GOT2: variants seen among roughly 807,000 people sequenced by gnomAD.
GOT2 encodes the protein glutamic-oxaloacetic transaminase 2.
In GOT2, 17 loss-of-function variants were observed where a neutral mutation model predicts 50.0. That is an observed-to-expected ratio of 0.34 (90% CI 0.23 to 0.51). The LOEUF (loss-of-function observed/expected upper bound fraction) is 0.51. Among genes scored for constraint, GOT2 ranks in the 20% least tolerant of loss-of-function variants. The pLI is 0.97. For missense variants in GOT2, 430 were observed against 559.6 expected (o/e 0.77, Z 2.34); for synonymous variants, 172 against 204.9 (o/e 0.84, Z 1.37).
intron 7 of GOT2, chr16:58,716,459 A>G (rs2044693544): frequency 1.6e-6 from 1 of 617,172 alleles, no homozygotes; most frequent in Admixed American, 3.4e-5. Context: ...CCTTTGCTGG[A>G]AAAACTTAAG....
At chr16:58,724,977 A>G (rs1479682989) in intron 1 of GOT2, among the ~76,000 whole-genome samples, 1 of 152,146 alleles carries the variant, frequency 6.6e-6, no homozygotes, top group East Asian at 1.9e-4. Flanking sequence ...CAATTTTGGG[A>G]ATGCTGGTCA....
In GOT2 at chr16:58,723,759, G is replaced by A. The variant is rs765537389; in HGVS notation, c.233C>T (p.Pro78Leu). Residue 78 changes from proline (P) to leucine (L), a missense_variant, in exon 2 of 10, where the codon CCT (proline) becomes CTT (leucine). Pro to Leu is a moderately conservative substitution (Grantham distance 98). Coordinates refer to ENST00000245206, the MANE Select transcript of GOT2 (RefSeq NM_002080.4). Reference sequence around the variant, plus strand: ...CAGCAAGCTCACCTTGCGGACGCTAGGCAGAACGTAAGGCTTTCCATTATC... The same window carrying A: ...CAGCAAGCTCACCTTGCGGACGCTAAGCAGAACGTAAGGCTTTCCATTATC... The part of the protein sequence containing the change: ...RDDNGKPYVL[P>L]SVRKAEAQIA... 112 of 1,612,680 alleles carry A rather than the reference G, an allele frequency of 6.9e-5. No individual in the cohort carries two copies. The highest frequency in any genetic ancestry group is 4.1e-4 in the South Asian group (37 of 91,032).
chr16:58,718,502 C>G, intron 5 of GOT2, 25 bp downstream of exon 5: 1 of 1,554,490 alleles, frequency 6.4e-7, no homozygotes, highest in Non-Finnish European at 8.7e-7. Context: ...TTATTCACCT[C>G]TCTCACCCTG....
chr16:58,727,067 T>C (rs1426680537), intron 1 of GOT2, among the ~76,000 whole-genome samples: 1 of 152,046 alleles, frequency 6.6e-6, no homozygotes, highest in African/African-American at 2.4e-5. Flanking sequence ...GGCATGAGAA[T>C]CGCTTGAACC....
chr16:58,708,874 T>C (rs888817344), intron 9 of GOT2, among the ~76,000 whole-genome samples: 1 of 151,708 alleles, frequency 6.6e-6, no homozygotes, highest in African/African-American at 2.4e-5. Flanking sequence ...AAATAAATGC[T>C]AAAAAGTATT....
chr16:58,718,732 AGGC>A, intron 4 of GOT2, 44 bp from the exon 5 acceptor site: 1 of 1,476,366 alleles, frequency 6.8e-7, no homozygotes, highest in Admixed American at 2.3e-5. Context: ...AACAAAGGAG[AGGC>A]AAAAAAATGT....
rs572999916 is a variant in GOT2 at position 58,712,211 on chromosome 16, T to C, written c.1020-2644A>G. On this transcript the variant is annotated intron_variant, in intron 8 of 9. Transcript: ENST00000245206. ...AGTCATCATTTATTCCATTCTGTCTTATATTAAATATCATGTGTGGCCAGG... is the reference window on the plus strand; with the variant it reads ...AGTCATCATTTATTCCATTCTGTCTCATATTAAATATCATGTGTGGCCAGG... Among the ~76,000 whole-genome samples, 5 of 152,272 alleles carry C rather than the reference T, an allele frequency of 3.3e-5. No homozygotes were observed. The South Asian group carries it at 1.0e-3, about 32-fold the overall frequency.
intron 1 of GOT2, among the ~76,000 whole-genome samples, chr16:58,731,234 G>T (rs56033864): frequency 6.6e-6 from 1 of 151,984 alleles, no homozygotes; most frequent in African/African-American, 2.4e-5. Context: ...CCTCTCAAGC[G>T]ATCAGGCTCG....
Position 58,722,197 on chromosome 16 carries a change from C to T in GOT2, c.328G>A (p.Ala110Thr). The T allele has an allele frequency of 1.2e-6, 2 of 1,612,518 alleles. No individual in the cohort carries two copies. The highest frequency in any genetic ancestry group is 1.7e-6 in the Non-Finnish European group (2 of 1,179,988). ...GGLAEFCKASAELALGENSEV... is the reference protein window; with the variant it reads ...GGLAEFCKASTELALGENSEV... ...CTGTTCTCACCCAGGGCTAGTTCTG[C>T]AGATGCCTTGCAAAATTCAGCCAGT... The change falls in exon 3 of 10, where the codon GCA becomes ACA. Residue 110 changes from alanine to threonine, a missense_variant. By Grantham distance (58) the Ala-to-Thr change is moderately conservative. Coordinates refer to ENST00000245206, the MANE Select transcript of GOT2 (RefSeq NM_002080.4).
intron 8 of GOT2, among the ~76,000 whole-genome samples, chr16:58,710,430 C>G (rs1414862347): frequency 1.2e-4 from 18 of 150,580 alleles, no homozygotes; most frequent in Non-Finnish European, 2.2e-4. Context: ...CAGGGTCTCC[C>G]CATTTTGCCC....
intron 8 of GOT2, among the ~76,000 whole-genome samples, chr16:58,711,307 G>T (rs1397227697): frequency 2.0e-5 from 3 of 152,186 alleles, no homozygotes; most frequent in Non-Finnish European, 4.4e-5. Flanking sequence ...TTCTGTCTGA[G>T]GGACTGGAGA....
intron 5 of GOT2, 42 bp downstream of exon 5, chr16:58,718,485 A>G (rs2044712711): frequency 6.5e-7 from 1 of 1,527,950 alleles, no homozygotes; most frequent in South Asian, 1.3e-5. Context: ...TCCGCAAGCA[A>G]GGAGTTTTAT....
At chr16:58,723,666 T>C (rs1597703628) in intron 2 of GOT2, 80 bp downstream of exon 2, 1 of 1,184,250 alleles carries the variant, frequency 8.4e-7, no homozygotes, top group Non-Finnish European at 1.2e-6. Flanking sequence ...TGATTCCCGG[T>C]CCAGCACTAT....
intron 8 of GOT2, among the ~76,000 whole-genome samples, chr16:58,715,397 A>T (rs943097220): frequency 3.9e-5 from 6 of 152,168 alleles, no homozygotes; most frequent in Non-Finnish European, 5.9e-5. Flanking sequence ...AGAAATATCA[A>T]TTAACTTGGT....
chr16:58,710,967 C>CAAAAAA (rs35679170), intron 8 of GOT2, among the ~76,000 whole-genome samples: 67 of 72,870 alleles, frequency 9.2e-4, no homozygotes, highest in African/African-American at 1.7e-3. Flanking sequence ...GACTCTGTCT[C>CAAAAAA]AAAAAAAAAA....
intron 8 of GOT2, among the ~76,000 whole-genome samples, chr16:58,710,967 C>CA (rs35679170): frequency 0.086 from 6,248 of 72,830 alleles, 627 homozygotes; most frequent in East Asian, 0.3. Context: ...GACTCTGTCT[C>CA]AAAAAAAAAA....
intron 8 of GOT2, among the ~76,000 whole-genome samples, chr16:58,710,269 T>G (rs1016999335): frequency 2.0e-5 from 3 of 152,000 alleles, no homozygotes; most frequent in Non-Finnish European, 2.9e-5. Context: ...CCAGGCTGGA[T>G]AGTACAATGG....
chr16:58,717,938 C>T (rs532458967), intron 6 of GOT2, among the ~76,000 whole-genome samples: 98 of 152,178 alleles, frequency 6.4e-4, no homozygotes, highest in Admixed American at 3.5e-3. Context: ...CCACCTGCCT[C>T]GACCTCCCAA....
chr16:58,716,499 C>T, intron 7 of GOT2, 164 bp downstream of exon 7: 1 of 660,812 alleles, frequency 1.5e-6, no homozygotes, highest in Non-Finnish European at 2.5e-6. Context: ...CTAAGAAAAT[C>T]AGTAAAATCT....
Sources: gnomAD v4.1 joint callset for allele counts (sites outside exome capture counted in the v4.1 genomes callset) on GRCh38, gnomAD v4.1.1 for gene constraint, MANE v1.5 for transcripts, NCBI Gene and HGNC (gene_info 2026-07-23, HGNC 2026-07-21) for gene names.